CERS5: variants seen among roughly 807,000 people sequenced by gnomAD.
The protein encoded by CERS5 is ceramide synthase 5, also known as LAG1 homolog, ceramide synthase 5.
CERS5 carries 37 observed loss-of-function variants against 58.9 expected under a neutral mutation model. The observed-to-expected ratio is 0.63, with a 90% confidence interval of 0.48 to 0.83. The LOEUF is 0.83. CERS5 is among the 40% of genes least tolerant of loss of function. CERS5 has a pLI of 0.00. For synonymous variants in CERS5, 147 were observed against 177.8 expected, an observed-to-expected ratio of 0.83 and a Z score of 1.38; for missense variants, 398 against 489.3, an observed-to-expected ratio of 0.81 and a Z score of 1.76.
At chr12:50,131,312 G>C (rs1053387412) in intron 9 of CERS5, among the ~76,000 whole-genome samples, 3 of 152,208 alleles carry the variant, frequency 2.0e-5, no homozygotes, top group African/African-American at 7.2e-5. Context: ...TGTAATCCCA[G>C]CACTTTGGGA....
intron 3 of CERS5, among the ~76,000 whole-genome samples, 159 bp from the exon 4 acceptor site, chr12:50,142,269 CAG>C (rs1952011554): frequency 6.6e-6 from 1 of 151,980 alleles, no homozygotes; most frequent in African/African-American, 2.4e-5. Context: ...AAGCCAAAGA[CAG>C]GGGCCAGGAG....
In CERS5 at chr12:50,138,631, G is replaced by C; in HGVS notation, c.493-14C>G. 1 of 1,609,552 alleles carries C rather than the reference G, an allele frequency of 6.2e-7. No individual in the cohort carries two copies. The highest frequency in any genetic ancestry group is 8.5e-7 in the Non-Finnish European group (1 of 1,175,970). On this transcript the variant is annotated splice_polypyrimidine_tract_variant and intron_variant, in intron 4 of 9. Coordinates refer to ENST00000317551, the MANE Select transcript of CERS5 (RefSeq NM_147190.5). ...GAACCAAGGTGACTAAGAGAAAACA[G>C]ATAATCCATGTCAGTCCTCAAGATT...
chr12:50,153,208 C>G (rs1181706346), intron 1 of CERS5, among the ~76,000 whole-genome samples: 1 of 149,084 alleles, frequency 6.7e-6, no homozygotes, highest in South Asian at 2.1e-4. Context: ...TTCAGCCTGA[C>G]AACTTCTCAA....
At chr12:50,144,525 A>G in intron 1 of CERS5, 1 of 354,672 alleles carries the variant, frequency 2.8e-6, no homozygotes, top group South Asian at 7.9e-5. Flanking sequence ...CCTTACATCA[A>G]AAGACCAAGA....
At chr12:50,154,216 G>A (rs778257299) in intron 1 of CERS5, 4 of 351,418 alleles carry the variant, frequency 1.1e-5, no homozygotes, top group South Asian at 6.2e-5. Context: ...AGCTGGGTGC[G>A]GTGGCACATG....
At chr12:50,135,138 AG>A (rs1951572631) in intron 8 of CERS5, among the ~76,000 whole-genome samples, 1 of 87,784 alleles carries the variant, frequency 1.1e-5, no homozygotes, top group African/African-American at 4.8e-5. Context: ...AGAGGGAGGG[AG>A]AGAGAGAGGA....
At position 50,137,748 on chromosome 12, in the gene CERS5, A is replaced by G. The variant is rs745587443; in HGVS notation, c.616T>C (p.Phe206Leu). The G allele has an allele frequency of 6.2e-7, 1 of 1,604,528 alleles. No individual in the cohort carries two copies. Among genetic ancestry groups the G allele is most frequent in the South Asian group, 1.1e-5 (1 of 90,468 alleles). Residue 206 changes from phenylalanine (F) to leucine (L), a missense_variant, in exon 6 of 10, where the codon TTT becomes CTT. Transcript: ENST00000317551. ...AFYWSLMFSQ[F>L]TDIKRKDFLI... ...CTTACCTTTCTTTTAATGTCTGTAAACTGAGAAAACATAAGGGACCAATAG... is the reference window on the plus strand; with the variant it reads ...CTTACCTTTCTTTTAATGTCTGTAAGCTGAGAAAACATAAGGGACCAATAG...
chr12:50,154,095 C>T (rs1050441089), intron 1 of CERS5: 1 of 262,712 alleles, frequency 3.8e-6, no homozygotes, highest in Admixed American at 5.5e-5. Context: ...CGTGGCACGC[C>T]TGTAATCCCA....
intron 1 of CERS5, among the ~76,000 whole-genome samples, chr12:50,162,017 G>A (rs1171530329): frequency 6.6e-6 from 1 of 150,624 alleles, no homozygotes; most frequent in African/African-American, 2.4e-5. Flanking sequence ...TGGGACTTAA[G>A]GCGCATGCCA....
At chr12:50,145,531 A>G (rs1592378389) in intron 1 of CERS5, among the ~76,000 whole-genome samples, 1 of 152,206 alleles carries the variant, frequency 6.6e-6, no homozygotes, top group African/African-American at 2.4e-5. Context: ...TAAAGGAGGG[A>G]TTGAGAATAA....
At chr12:50,132,203 C>T (rs1399903567) in intron 9 of CERS5, among the ~76,000 whole-genome samples, 1 of 151,828 alleles carries the variant, frequency 6.6e-6, no homozygotes, top group Non-Finnish European at 1.5e-5. Flanking sequence ...AGTTCGAGAC[C>T]AGCCAGACCA....
At chr12:50,144,722 G>T in intron 1 of CERS5, 1 of 1,108,668 alleles carries the variant, frequency 9.0e-7, no homozygotes, top group Non-Finnish European at 1.3e-6. Flanking sequence ...CTCTATCGTA[G>T]TCTCAGATCT....
intron 9 of CERS5, chr12:50,134,071 GAAAAAA>G (rs57888855): frequency 2.5e-5 from 2 of 79,682 alleles, no homozygotes; most frequent in Admixed American, 1.5e-4. Context: ...GATTCCATCT[GAAAAAA>G]AAAAAAAAAA....
chr12:50,133,359 CCTTT>C, intron 9 of CERS5: 2 of 1,052,222 alleles, frequency 1.9e-6, no homozygotes, highest in Non-Finnish European at 1.2e-6. Context: ...TTAAGTGGCA[CCTTT>C]CTTTCGCTCT....
At chr12:50,152,895 C>A (rs955568953) in intron 1 of CERS5, among the ~76,000 whole-genome samples, 3 of 151,974 alleles carry the variant, frequency 2.0e-5, no homozygotes, top group African/African-American at 7.2e-5. Context: ...CACAGTAAAA[C>A]CCCATCTCTA....
At chr12:50,156,218 G>A (rs1173469091) in intron 1 of CERS5, among the ~76,000 whole-genome samples, 16 of 150,008 alleles carry the variant, frequency 1.1e-4, no homozygotes, top group Non-Finnish European at 7.4e-5. Context: ...TGACTAACAC[G>A]GTAAAACCCC....
rs55762917 is a variant in CERS5 at position 50,156,420 on chromosome 12, CTATATA to C, written c.197+10675_197+10680del. Reference sequence around the variant, plus strand: ...CTCTGTCTCAAAACAAACAAACAAACTATATATATATATATATAAAACAATTAGTAG... The same window carrying C: ...CTCTGTCTCAAAACAAACAAACAAACTATATATATATAAAACAATTAGTAG... On this transcript the variant is annotated intron_variant, in intron 1 of 9. Transcript: ENST00000317551. 2.2e-4 allele frequency among the ~76,000 whole-genome samples: 17 copies of C among 77,322 alleles called. 2 individuals carry two copies. The highest frequency in any genetic ancestry group is 5.7e-4 in the African/African-American group (11 of 19,342). 50.7% of individuals were successfully genotyped at this position (77,322 alleles called of 152,430 possible). A position where few individuals can be genotyped will look rare whatever the true frequency, so the allele number is the denominator to read the frequency against.
intron 8 of CERS5, 95 bp downstream of exon 8, chr12:50,135,637 G>A: frequency 1.1e-6 from 1 of 925,620 alleles, no homozygotes; most frequent in East Asian, 2.4e-5. Flanking sequence ...AAGTAGAATA[G>A]AATAGAACAG....
rs1951229848 is a variant in CERS5, at chr12:50,130,053, T to A, written c.*492A>T. 1 of 152,928 alleles carries A rather than the reference T, an allele frequency of 6.5e-6. No homozygotes were observed. The highest frequency in any genetic ancestry group is 6.5e-5 in the Admixed American group (1 of 15,290). 9.5% of individuals were successfully genotyped at this position (152,928 alleles called of 1,614,324 possible). A position where few individuals can be genotyped will look rare whatever the true frequency, so the allele number is the denominator to read the frequency against. ...TCTGTTTCTATACAACTTCATCATG[T>A]GACATATTCCAGCTGTGAAAGAGGA... On this transcript the variant is annotated 3_prime_UTR_variant, in exon 10 of 10. Coordinates refer to ENST00000317551, the MANE Select transcript of CERS5 (RefSeq NM_147190.5).
Sources: allele counts gnomAD v4.1 joint callset (sites outside exome capture counted in the v4.1 genomes callset), GRCh38; gene constraint gnomAD v4.1.1; transcripts MANE v1.5; gene names NCBI Gene and HGNC (gene_info 2026-07-23, HGNC 2026-07-21).